Variants in CFTR observed in about 807,000 individuals in gnomAD.
The protein encoded by CFTR is CF transmembrane conductance regulator.
CFTR carries 181 observed loss-of-function variants against 171.6 expected under a neutral mutation model. The ratio of observed to expected loss-of-function variants is 1.05; its 90% CI spans 0.93 to 1.19. CFTR has a LOEUF of 1.19. Among genes scored for constraint, CFTR ranks in the 50% most tolerant of loss-of-function variants. CFTR has a pLI of 0.00. For missense variants in CFTR, 1,968 were observed against 1,734.7 expected (o/e 1.13, Z -2.39); for synonymous variants, 583 against 608.0 (o/e 0.96, Z 0.60).
At chr7:117,514,309 ACTC>A (rs1798566256) in intron 3 of CFTR, among the ~76,000 whole-genome samples, 1 of 151,304 alleles carries the variant, frequency 6.6e-6, no homozygotes, top group Non-Finnish European at 1.5e-5. Context: ...TCCCTCCCCT[ACTC>A]CTTACTTCCC....
At chr7:117,622,739 T>C (rs1792601994) in intron 21 of CFTR, among the ~76,000 whole-genome samples, 1 of 152,146 alleles carries the variant, frequency 6.6e-6, no homozygotes, top group Non-Finnish European at 1.5e-5. Context: ...ATAGAACAAA[T>C]ATTTTTGTGA....
intron 24 of CFTR, among the ~76,000 whole-genome samples, chr7:117,662,115 C>A (rs564421934): frequency 6.6e-6 from 1 of 151,904 alleles, no homozygotes; most frequent in East Asian, 1.9e-4. Context: ...CTTGAATACT[C>A]ACATGCAAAG....
At chr7:117,483,806 C>T (rs544019200) in intron 1 of CFTR, among the ~76,000 whole-genome samples, 1 of 152,136 alleles carries the variant, frequency 6.6e-6, no homozygotes, top group Non-Finnish European at 1.5e-5. Context: ...AGCTCCTGGC[C>T]TCAAGTTATC....
Position 117,512,097 on chromosome 7 carries a change from G to C in CFTR, c.273+2955G>C, listed in dbSNP as rs117435388. The stretch of plus-strand genomic sequence containing the variant: ...TTAGTCCCTCTAAACAATGATAGTT[G>C]TGGCATAAAAATATTTGCTTGGTTT... On this transcript the variant is annotated intron_variant, in intron 3 of 26. Coordinates refer to ENST00000003084, the MANE Select transcript of CFTR (RefSeq NM_000492.4). Among the ~76,000 whole-genome samples, 1,367 of 152,178 alleles carry C rather than the reference G, an allele frequency of 9.0e-3. 15 individuals are homozygous for C. Among genetic ancestry groups the C allele is most frequent in the Non-Finnish European group, 0.013 (862 of 68,002 alleles).
intron 2 of CFTR, among the ~76,000 whole-genome samples, chr7:117,507,568 T>A (rs1040146515): frequency 3.3e-5 from 5 of 152,224 alleles, no homozygotes; most frequent in Non-Finnish European, 7.3e-5. Flanking sequence ...CATATTTAGC[T>A]TCTTACTCTG....
chr7:117,641,147 C>T (rs758864228), intron 22 of CFTR, among the ~76,000 whole-genome samples: 5 of 152,172 alleles, frequency 3.3e-5, no homozygotes, highest in South Asian at 4.1e-4. Context: ...AGAGTTCTTA[C>T]GATGGATAGG....
chr7:117,542,060 A>T lies in CFTR; in HGVS notation c.1161A>T (p.Leu387Phe). ...KQEYKTLEYN[L>F]TTTEVVMENV... ...AATATAAGACATTGGAATATAACTT[A>T]ACGACTACAGAAGTAGTGATGGAGA... The change falls in exon 9 of 27, where the codon TTA becomes TTT. Residue 387 changes from leucine to phenylalanine, a missense_variant. Leu to Phe is a conservative substitution (Grantham distance 22). Coordinates refer to ENST00000003084, the MANE Select transcript of CFTR (RefSeq NM_000492.4). 1.2e-6 allele frequency: 2 copies of T among 1,602,634 alleles called. No individual in the cohort carries two copies. The highest frequency in any genetic ancestry group is 1.7e-6 in the Non-Finnish European group (2 of 1,169,678).
rs34491799 is a variant in CFTR at position 117,542,966 on chromosome 7, A to G, written c.1209+858A>G. 1.8e-4 allele frequency among the ~76,000 whole-genome samples: 27 copies of G among 152,332 alleles called. No homozygotes were observed. The East Asian group carries it at 4.0e-3, about 23-fold the overall frequency. On this transcript the variant is annotated intron_variant, in intron 9 of 26. Coordinates refer to ENST00000003084, the MANE Select transcript of CFTR (RefSeq NM_000492.4). The stretch of plus-strand genomic sequence containing the variant: ...CAATAAAAGGATGCGAGAGAGATAT[A>G]CCAGTGTATTGTTTTCTACCATTTT...
intron 10 of CFTR, among the ~76,000 whole-genome samples, chr7:117,552,651 A>AAGGT (rs1187940502): frequency 1.3e-5 from 2 of 152,074 alleles, no homozygotes; most frequent in Non-Finnish European, 2.9e-5. Context: ...TCATCCAACC[A>AAGGT]AGGTAGCCAA....
At chr7:117,602,492 T>TA (rs1208027186) in intron 15 of CFTR, among the ~76,000 whole-genome samples, 3 of 152,228 alleles carry the variant, frequency 2.0e-5, no homozygotes, top group Non-Finnish European at 4.4e-5. Context: ...TTAGTTTCTT[T>TA]AAAAAATGTT....
Position 117,606,703 on chromosome 7 carries a change from A to G in CFTR, c.2938A>G (p.Ile980Val), listed in dbSNP as rs1554391473. The change falls in exon 18 of 27, where the codon ATA becomes GTA. Residue 980 changes from isoleucine to valine, a missense_variant. Ile to Val is a conservative substitution (Grantham distance 29). Coordinates refer to ENST00000003084, the MANE Select transcript of CFTR (RefSeq NM_000492.4). ...GATTCTTAATAGATTCTCCAAAGAT[A>G]TAGCAATTTTGGATGACCTTCTGCC... ...GGILNRFSKD[I>V]AILDDLLPLT... is the part of the protein sequence containing the mutation. The G allele has an allele frequency of 6.3e-7, 1 of 1,593,010 alleles. No homozygotes were observed.
At chr7:117,576,985 G>C (rs1222795491) in intron 11 of CFTR, among the ~76,000 whole-genome samples, 1 of 152,100 alleles carries the variant, frequency 6.6e-6, no homozygotes, top group Non-Finnish European at 1.5e-5. Context: ...CACAGTCTTC[G>C]AAGGTAGAGA....
rs1164913818 is a variant in CFTR at position 117,665,375 on chromosome 7, A to G, written c.4137-84A>G. The G allele has an allele frequency of 2.8e-5, 23 of 811,706 alleles. No individual in the cohort carries two copies. In the East Asian group the frequency reaches 5.4e-4, roughly 19 times the overall value. 50.3% of individuals were successfully genotyped at this position (811,706 alleles called of 1,614,324 possible). ...AAGAAATAAGTAATTTAAAGAGATA[A>G]TAGAACAATAGACATATTATCAAGG... is the stretch of plus-strand genomic sequence containing the variant. On this transcript the variant is annotated intron_variant, in intron 25 of 26. Coordinates refer to ENST00000003084, the MANE Select transcript of CFTR (RefSeq NM_000492.4).
intron 17 of CFTR, chr7:117,604,742 T>G (rs1206315809): frequency 6.6e-6 from 1 of 152,214 alleles, no homozygotes; most frequent in Non-Finnish European, 1.5e-5. Context: ...CATATACTCA[T>G]CACCATCCTC....
At chr7:117,664,643 G>C in intron 24 of CFTR, 45 bp from the exon 25 acceptor site, 1 of 1,556,798 alleles carries the variant, frequency 6.4e-7, no homozygotes, top group Non-Finnish European at 8.9e-7. Context: ...AACTGCTTGA[G>C]TGTTTTTAAC....
At chr7:117,545,491 AT>A (rs1799125068) in intron 9 of CFTR, among the ~76,000 whole-genome samples, 1 of 152,034 alleles carries the variant, frequency 6.6e-6, no homozygotes, top group Non-Finnish European at 1.5e-5. Context: ...ATGTTTCCAA[AT>A]TTCCTGCGTG....
intron 24 of CFTR, among the ~76,000 whole-genome samples, chr7:117,654,965 T>C (rs1319855662): frequency 6.6e-6 from 1 of 152,196 alleles, no homozygotes; most frequent in African/African-American, 2.4e-5. Flanking sequence ...GGAGTCATTC[T>C]TCCATTGTCT....
At chr7:117,574,397 A>G (rs182460) in intron 11 of CFTR, among the ~76,000 whole-genome samples, 2,962 of 152,182 alleles carry the variant, frequency 0.019, 103 homozygotes, top group African/African-American at 0.067. Flanking sequence ...CAGCAGCTTC[A>G]TATTATGTCT....
intron 1 of CFTR, among the ~76,000 whole-genome samples, chr7:117,501,439 C>G (rs1462560231): frequency 1.3e-5 from 2 of 151,562 alleles, no homozygotes; most frequent in African/African-American, 4.8e-5. Flanking sequence ...TATATTAAAA[C>G]AAAAGTATTA....
Sources: gnomAD v4.1 joint callset for allele counts (sites outside exome capture counted in the v4.1 genomes callset) on GRCh38, gnomAD v4.1.1 for gene constraint, MANE v1.5 for transcripts, NCBI Gene and HGNC (gene_info 2026-07-23, HGNC 2026-07-21) for gene names.